PRORP: variants seen among roughly 807,000 people sequenced by gnomAD.
PRORP encodes protein only RNase P catalytic subunit.
Under a neutral mutation model 59.4 loss-of-function variants are expected in PRORP, and 51 were observed. The ratio of observed to expected loss-of-function variants is 0.86; its 90% CI spans 0.69 to 1.08. The LOEUF is 1.08. Ranked by LOEUF, PRORP falls within the 50% of genes least tolerant of loss-of-function variation. The pLI is 0.00. For synonymous variants in PRORP, 231 were observed against 245.6 expected (o/e 0.94, Z 0.55); for missense variants, 646 against 690.3 (o/e 0.94, Z 0.72).
chr14:35,239,730 T>C (rs914954512), intron 5 of PRORP, among the ~76,000 whole-genome samples: 17 of 152,226 alleles, frequency 1.1e-4, no homozygotes, highest in African/African-American at 3.9e-4. Context: ...TGTCCTGCCC[T>C]GTACAACTAA....
intron 5 of PRORP, among the ~76,000 whole-genome samples, chr14:35,235,913 CA>C (rs879845901): frequency 2.6e-5 from 4 of 151,246 alleles, no homozygotes; most frequent in Admixed American, 1.3e-4. Flanking sequence ...AAAAAACAAA[CA>C]AAAAAACACC....
At chr14:35,167,991 A>G (rs1184412411) in intron 4 of PRORP, among the ~76,000 whole-genome samples, 5 of 152,076 alleles carry the variant, frequency 3.3e-5, no homozygotes, top group Non-Finnish European at 7.4e-5. Flanking sequence ...GCTTTAACAC[A>G]TTTTTCCCCC....
At chr14:35,186,202 G>C (rs1392431795) in intron 5 of PRORP, among the ~76,000 whole-genome samples, 1 of 149,368 alleles carries the variant, frequency 6.7e-6, no homozygotes, top group Non-Finnish European at 1.5e-5. Context: ...GCCCGGGCTG[G>C]TCTTGAACTC....
chr14:35,270,976 A>G (rs1016875140), intron 7 of PRORP, among the ~76,000 whole-genome samples: 1 of 151,508 alleles, frequency 6.6e-6, no homozygotes, highest in African/African-American at 2.4e-5. Flanking sequence ...AATCCCAGCT[A>G]CTTGGGAGGC....
At position 35,152,108 on chromosome 14, in the gene PRORP, C is replaced by T. The variant is rs557235737; in HGVS notation, c.1167+24497C>T. The stretch of plus-strand genomic sequence containing the variant: ...TCCGCAGTGTCTGTGTCCCTGGGTA[C>T]TTGAGATTAGGGAGTGGTGATGACT... On this transcript the variant is annotated intron_variant, in intron 4 of 7. Transcript: ENST00000534898. Among the ~76,000 whole-genome samples, 247 of 152,190 alleles carry T rather than the reference C, an allele frequency of 1.6e-3. 1 individual carries two copies. The highest frequency in any genetic ancestry group is 2.0e-3 in the Non-Finnish European group (139 of 68,002).
intron 6 of PRORP, 44 bp downstream of exon 6, chr14:35,266,919 A>T (rs2051056781): frequency 6.2e-7 from 1 of 1,603,414 alleles, no homozygotes; most frequent in South Asian, 1.1e-5. Context: ...TGCTGCAGAC[A>T]TCTATCTGCT....
Position 35,158,926 on chromosome 14 carries a change from A to C in PRORP, c.1168-21744A>C, listed in dbSNP as rs377130767. 4.3e-5 allele frequency: 14 copies of C among 328,316 alleles called. No homozygotes were observed. The Middle Eastern group carries it at 4.1e-3, about 95-fold the overall frequency. The allele number at this position is 328,316 out of a possible 1,614,324, so 20.3% of individuals were successfully genotyped here. ...CTTTCCTGGATTTCCCACCACCGTA[A>C]GTGTGAATTCAAACGTTCTCTTCAC... On this transcript the variant is annotated intron_variant, in intron 4 of 7. Transcript: ENST00000534898.
At chr14:35,205,308 A>G (rs1217966500) in intron 5 of PRORP, among the ~76,000 whole-genome samples, 1 of 152,152 alleles carries the variant, frequency 6.6e-6, no homozygotes, top group African/African-American at 2.4e-5. Flanking sequence ...CAGCCTCCTG[A>G]GTAGCTGGGA....
chr14:35,164,948 G>A (rs1421590434), intron 4 of PRORP, among the ~76,000 whole-genome samples: 4 of 152,068 alleles, frequency 2.6e-5, no homozygotes, highest in African/African-American at 7.2e-5. Context: ...CATGAAGGAC[G>A]TTTGCAAAGT....
At chr14:35,238,756 C>T (rs2050284625) in intron 5 of PRORP, among the ~76,000 whole-genome samples, 1 of 152,086 alleles carries the variant, frequency 6.6e-6, no homozygotes, top group Non-Finnish European at 1.5e-5. Context: ...TGCATTTTAT[C>T]TGAAGGGCCA....
intron 5 of PRORP, among the ~76,000 whole-genome samples, chr14:35,197,572 G>A (rs943847698): frequency 4.6e-5 from 7 of 151,930 alleles, no homozygotes; most frequent in South Asian, 2.1e-4. Flanking sequence ...AGTCAAATAC[G>A]ATTAAGATCA....
At chr14:35,227,533 A>G (rs2049966153) in intron 5 of PRORP, among the ~76,000 whole-genome samples, 1 of 152,148 alleles carries the variant, frequency 6.6e-6, no homozygotes, top group South Asian at 2.1e-4. Context: ...TCCTTCATTC[A>G]GGTTTCTCCA....
chr14:35,158,250 A>G (rs201509917), intron 4 of PRORP: 2 of 248,024 alleles, frequency 8.1e-6, no homozygotes, highest in Non-Finnish European at 1.6e-5. Context: ...ATAAGTCACA[A>G]CTGCCAGTTT....
At chr14:35,144,853 A>G (rs1165732500) in intron 4 of PRORP, among the ~76,000 whole-genome samples, 1 of 145,070 alleles carries the variant, frequency 6.9e-6, no homozygotes, top group East Asian at 2.3e-4. Flanking sequence ...TTTCTATTGT[A>G]AAAGTTCAAG....
chr14:35,222,803 T>G (rs1220648488), intron 5 of PRORP: 1 of 152,222 alleles, frequency 6.6e-6, no homozygotes, highest in Non-Finnish European at 1.5e-5. Flanking sequence ...CCTGATAGTT[T>G]ACTGAGTTTG....
chr14:35,165,080 T>A (rs1051361126), intron 4 of PRORP, among the ~76,000 whole-genome samples: 1 of 152,218 alleles, frequency 6.6e-6, no homozygotes, highest in African/African-American at 2.4e-5. Context: ...AAATAACTAT[T>A]ATAGTGCATG....
chr14:35,185,565 C>T (rs901433091), intron 5 of PRORP, among the ~76,000 whole-genome samples: 1 of 152,204 alleles, frequency 6.6e-6, no homozygotes, highest in East Asian at 1.9e-4. Context: ...CAAACTTCCA[C>T]CTGCCAATAC....
chr14:35,185,650 A>G (rs2048722461), intron 5 of PRORP, among the ~76,000 whole-genome samples: 2 of 152,252 alleles, frequency 1.3e-5, no homozygotes, highest in South Asian at 4.1e-4. Flanking sequence ...AGCAATAATC[A>G]GATGTGAAAT....
intron 4 of PRORP, among the ~76,000 whole-genome samples, chr14:35,152,753 G>A (rs550685491): frequency 4.0e-4 from 61 of 152,104 alleles, no homozygotes; most frequent in South Asian, 2.3e-3. Flanking sequence ...CTCCCAGACG[G>A]GGTGGCGGCC....
Sources: allele counts gnomAD v4.1 joint callset (sites outside exome capture counted in the v4.1 genomes callset), GRCh38; gene constraint gnomAD v4.1.1; transcripts MANE v1.5; gene names NCBI Gene and HGNC (gene_info 2026-07-23, HGNC 2026-07-21).